The following MACROD2 variants were observed in gnomAD, a reference collection of about 807,000 sequenced individuals.
MACROD2 encodes the protein mono-ADP ribosylhydrolase 2.
Under a neutral mutation model 70.4 loss-of-function variants are expected in MACROD2, and 36 were observed. The ratio of observed to expected loss-of-function variants is 0.51; its 90% confidence interval spans 0.39 to 0.68. The LOEUF (loss-of-function observed/expected upper bound fraction) is 0.68, where lower values mean the gene tolerates loss of function less well. MACROD2 is among the 30% of genes least tolerant of loss of function. The probability of loss-of-function intolerance (pLI) is 0.00; values close to 1 mark genes in which losing one functional copy is unlikely to be tolerated. For synonymous variants in MACROD2, 172 were observed against 178.8 expected, an observed-to-expected ratio of 0.96 and a Z score of 0.30; for missense variants, 496 against 538.4, an observed-to-expected ratio of 0.92 and a Z score of 0.78.
intron 8 of MACROD2, among the ~76,000 whole-genome samples, chr20:15,540,921 T>A (rs1345037718): frequency 6.6e-6 from 1 of 152,226 alleles, no homozygotes; most frequent in Non-Finnish European, 1.5e-5. Context: ...ATGCCGTTCA[T>A]ATTGGACTAG....
chr20:14,687,597 G>T (rs6034010), intron 5 of MACROD2, among the ~76,000 whole-genome samples: 17,412 of 152,074 alleles, frequency 0.11, 1,574 homozygotes, highest in South Asian at 0.26. Context: ...GGACAATGAA[G>T]CTAGAAATGA....
intron 8 of MACROD2, among the ~76,000 whole-genome samples, chr20:15,643,510 C>G (rs958668684): frequency 1.3e-4 from 20 of 152,054 alleles, no homozygotes; most frequent in Admixed American, 1.3e-3. Context: ...TGACTTATGT[C>G]ATTGCACGTT....
chr20:15,278,970 G>A (rs1265797052), intron 6 of MACROD2, among the ~76,000 whole-genome samples: 4 of 152,116 alleles, frequency 2.6e-5, no homozygotes. Flanking sequence ...TCGCCTTGCA[G>A]TCTGACTATT....
At chr20:14,516,009 T>G (rs2085095189) in intron 4 of MACROD2, among the ~76,000 whole-genome samples, 1 of 147,596 alleles carries the variant, frequency 6.8e-6, no homozygotes, top group Admixed American at 6.8e-5. Context: ...TATTATATAC[T>G]TTATATAAAA....
intron 2 of MACROD2, among the ~76,000 whole-genome samples, chr20:14,031,554 C>T (rs983934428): frequency 2.2e-4 from 34 of 151,800 alleles, no homozygotes; most frequent in African/African-American, 7.5e-4. Flanking sequence ...AATTTTTTTC[C>T]TGGACATTGA....
intron 4 of MACROD2, among the ~76,000 whole-genome samples, chr20:14,554,942 T>A (rs1600379875): frequency 1.3e-5 from 2 of 152,178 alleles, no homozygotes; most frequent in East Asian, 3.9e-4. Context: ...TGTTTTAATA[T>A]TTTGGGGAGA....
At chr20:15,818,477 G>A (rs558096055) in intron 8 of MACROD2, among the ~76,000 whole-genome samples, 4 of 152,202 alleles carry the variant, frequency 2.6e-5, no homozygotes, top group Admixed American at 6.5e-5. Flanking sequence ...TAATGTATTC[G>A]AATTAGTGTA....
intron 3 of MACROD2, among the ~76,000 whole-genome samples, chr20:14,119,910 C>A (rs1316894191): frequency 6.6e-6 from 1 of 151,868 alleles, no homozygotes; most frequent in East Asian, 1.9e-4. Flanking sequence ...AGACACTTCT[C>A]GAAAGAAGAC....
chr20:14,950,175 A>G (rs1279930297), intron 5 of MACROD2, among the ~76,000 whole-genome samples: 1 of 152,144 alleles, frequency 6.6e-6, no homozygotes, highest in African/African-American at 2.4e-5. Flanking sequence ...GGGTCTGATT[A>G]AGGCAGATGG....
At chr20:14,115,542 T>C (rs746215797) in intron 3 of MACROD2, among the ~76,000 whole-genome samples, 1 of 152,218 alleles carries the variant, frequency 6.6e-6, no homozygotes, top group East Asian at 1.9e-4. Context: ...TTGTTTTTCC[T>C]TTGTTTAACT....
At chr20:14,321,120 T>C (rs2082656217) in intron 3 of MACROD2, among the ~76,000 whole-genome samples, 1 of 151,956 alleles carries the variant, frequency 6.6e-6, no homozygotes, top group Non-Finnish European at 1.5e-5. Context: ...ATCCCAGCAC[T>C]TTGGGAGGCT....
At chr20:15,127,536 CAT>C (rs564042942) in intron 5 of MACROD2, among the ~76,000 whole-genome samples, 89 of 151,800 alleles carry the variant, frequency 5.9e-4, no homozygotes, top group Non-Finnish European at 1.1e-3. Context: ...ATGCAGCAGT[CAT>C]GTGAATGTTT....
intron 3 of MACROD2, among the ~76,000 whole-genome samples, chr20:14,466,683 T>C (rs1421065537): frequency 6.6e-6 from 1 of 152,112 alleles, no homozygotes; most frequent in Non-Finnish European, 1.5e-5. Flanking sequence ...CTTTCGTCTT[T>C]GATGATGGTG....
At chr20:15,913,910 C>T (rs907571819) in intron 10 of MACROD2, among the ~76,000 whole-genome samples, 15 of 152,090 alleles carry the variant, frequency 9.9e-5, no homozygotes, top group African/African-American at 2.4e-4. Flanking sequence ...AATGAATAAA[C>T]GAATAAGCAA....
intron 5 of MACROD2, among the ~76,000 whole-genome samples, chr20:15,185,220 G>A (rs1451494111): frequency 6.6e-6 from 1 of 152,104 alleles, no homozygotes; most frequent in Non-Finnish European, 1.5e-5. Context: ...CTGATGAAAA[G>A]GGAATAAACA....
At chr20:15,815,845 T>G (rs2063868064) in intron 8 of MACROD2, among the ~76,000 whole-genome samples, 1 of 152,274 alleles carries the variant, frequency 6.6e-6, no homozygotes, top group Middle Eastern at 3.4e-3. Flanking sequence ...TAACAGGGTT[T>G]GAGTTTTTTT....
intron 3 of MACROD2, among the ~76,000 whole-genome samples, chr20:14,115,605 A>G (rs1156956386): frequency 6.6e-6 from 1 of 152,194 alleles, no homozygotes; most frequent in Non-Finnish European, 1.5e-5. Context: ...TGGTCTAAAA[A>G]CTATTTTGGT....
At chr20:14,467,258 G>A (rs1184091432) in intron 3 of MACROD2, among the ~76,000 whole-genome samples, 2 of 152,054 alleles carry the variant, frequency 1.3e-5, no homozygotes, top group East Asian at 1.9e-4. Context: ...CCCCAGCCTC[G>A]CTGCCACCTT....
chr20:15,790,969 G>T (rs1279675770), intron 8 of MACROD2, among the ~76,000 whole-genome samples: 1 of 151,818 alleles, frequency 6.6e-6, no homozygotes, highest in Non-Finnish European at 1.5e-5. Flanking sequence ...CTCTATATCT[G>T]TTATTACCCT....
Sources: allele counts gnomAD v4.1 joint callset (sites outside exome capture counted in the v4.1 genomes callset), GRCh38; gene constraint gnomAD v4.1.1; transcripts MANE v1.5; gene names NCBI Gene and HGNC (gene_info 2026-07-23, HGNC 2026-07-21).